LINGO2: variants seen among roughly 807,000 people sequenced by gnomAD.
The protein encoded by LINGO2 is leucine rich repeat and Ig domain containing 2.
In LINGO2, 14 loss-of-function variants were observed where a neutral mutation model predicts 30.6. That is an observed-to-expected ratio of 0.46 (90% CI 0.30 to 0.72). LINGO2 has a LOEUF of 0.72. Among genes scored for constraint, LINGO2 ranks in the 30% least tolerant of loss-of-function variants. The pLI is 0.07. For synonymous variants in LINGO2, 317 were observed against 288.5 expected, an observed-to-expected ratio of 1.10 and a Z score of -1.00; for missense variants, 729 against 751.7, an observed-to-expected ratio of 0.97 and a Z score of 0.35.
At chr9:28,748,254 T>C in the LINGO2 span, among the ~76,000 whole-genome samples, 1 of 152,052 alleles carries the variant, frequency 6.6e-6, no homozygotes, top group East Asian at 1.9e-4. Context: ...TGTATTCAAC[T>C]TTCCTTGAAG....
chr9:29,062,902 T>A, the LINGO2 span, among the ~76,000 whole-genome samples: 2 of 152,186 alleles, frequency 1.3e-5, no homozygotes, highest in South Asian at 4.1e-4. Flanking sequence ...TTTGTACCAT[T>A]GTTTCTTTAC....
intron 3 of LINGO2, among the ~76,000 whole-genome samples, chr9:28,301,484 G>C (rs1824141243): frequency 6.6e-6 from 1 of 152,042 alleles, no homozygotes. Context: ...GTGGGTTCTT[G>C]GGCAATGCCC....
chr9:28,790,210 C>A, the LINGO2 span, among the ~76,000 whole-genome samples: 1 of 151,846 alleles, frequency 6.6e-6, no homozygotes, highest in East Asian at 1.9e-4. Flanking sequence ...GTCTGTTAGT[C>A]ATTTAGTAGT....
chr9:28,513,825 T>G (rs990465967), intron 1 of LINGO2, among the ~76,000 whole-genome samples: 1 of 152,256 alleles, frequency 6.6e-6, no homozygotes, highest in African/African-American at 2.4e-5. Context: ...ACCGACTTCG[T>G]GAATGTATGT....
At chr9:28,511,804 A>G (rs1160886418) in intron 1 of LINGO2, among the ~76,000 whole-genome samples, 1 of 152,206 alleles carries the variant, frequency 6.6e-6, no homozygotes, top group Non-Finnish European at 1.5e-5. Flanking sequence ...TGCAAAGTGC[A>G]CAGCCAGATG....
chr9:28,085,380 T>C (rs1825879773), intron 4 of LINGO2, among the ~76,000 whole-genome samples: 1 of 152,174 alleles, frequency 6.6e-6, no homozygotes, highest in Non-Finnish European at 1.5e-5. Flanking sequence ...GGAGAAGATG[T>C]GGCTTTTACA....
the LINGO2 span, among the ~76,000 whole-genome samples, chr9:28,842,033 T>C: frequency 6.6e-6 from 1 of 151,828 alleles, no homozygotes; most frequent in African/African-American, 2.4e-5. Flanking sequence ...TCTAGGACAC[T>C]TCTTGTAGGC....
the LINGO2 span, among the ~76,000 whole-genome samples, chr9:29,176,308 T>A: frequency 6.6e-6 from 1 of 152,216 alleles, no homozygotes; most frequent in African/African-American, 2.4e-5. Flanking sequence ...ATCTTGGTGA[T>A]CTCAGAGACA....
the LINGO2 span, among the ~76,000 whole-genome samples, chr9:28,767,870 C>CATTTCTTA: frequency 5.4e-5 from 8 of 148,574 alleles, no homozygotes; most frequent in African/African-American, 2.0e-4. Context: ...CTTTTTCTTA[C>CATTTCTTA]ACATTTGTGT....
the LINGO2 span, among the ~76,000 whole-genome samples, chr9:28,871,386 CT>C: frequency 0.37 from 56,339 of 151,192 alleles, 12,428 homozygotes; most frequent in Middle Eastern, 0.51. Flanking sequence ...ATACCAACTT[CT>C]TTAAAATGTT....
chr9:28,681,723 C>T, the LINGO2 span, among the ~76,000 whole-genome samples: 1 of 152,070 alleles, frequency 6.6e-6, no homozygotes, highest in African/African-American at 2.4e-5. Context: ...TTTTCCCAAA[C>T]TGTGTTCCTT....
rs1048612756 is a variant in LINGO2, at chr9:28,057,566, CATATATATACACATATATGTATATACAT to C, written c.-86-45189_-86-45162del. Among the ~76,000 whole-genome samples, 3 of 21,888 alleles carry C rather than the reference CATATATATACACATATATGTATATACAT, an allele frequency of 1.4e-4. No individual in the cohort carries two copies. In the South Asian group the frequency reaches 3.1e-3, roughly 23 times the overall value. The allele number at this position is 21,888 out of a possible 152,430, so 14.4% of individuals were successfully genotyped here. A position where few individuals can be genotyped will look rare whatever the true frequency, so the allele number is the denominator to read the frequency against. ...ATATGTATATAAGTATATATATATA[CATATATATACACATATATGTATATACAT>C]ATATATACACATATATGTATATACA... On this transcript the variant is annotated intron_variant, in intron 4 of 5. Coordinates refer to ENST00000379992, the Ensembl canonical transcript of LINGO2.
chr9:28,431,029 T>TGAGA (rs57751993), intron 2 of LINGO2, among the ~76,000 whole-genome samples: 14,801 of 128,880 alleles, frequency 0.11, 1,236 homozygotes, highest in East Asian at 0.27. Context: ...GCATGAGTGA[T>TGAGA]GAGAGAGAGA....
At chr9:29,173,023 T>C in the LINGO2 span, among the ~76,000 whole-genome samples, 3 of 152,132 alleles carry the variant, frequency 2.0e-5, no homozygotes, top group East Asian at 1.9e-4. Flanking sequence ...CAAACCTGAA[T>C]TGAGAAAATC....
chr9:28,498,579 G>A (rs1819753997), intron 1 of LINGO2, among the ~76,000 whole-genome samples: 1 of 152,144 alleles, frequency 6.6e-6, no homozygotes, highest in South Asian at 2.1e-4. Flanking sequence ...GCTAGGAAAG[G>A]GAACTCCCAG....
chr9:28,111,917 T>A (rs974393823), intron 4 of LINGO2, among the ~76,000 whole-genome samples: 2 of 151,732 alleles, frequency 1.3e-5, no homozygotes, highest in Non-Finnish European at 2.9e-5. Flanking sequence ...ATTTATTTAT[T>A]TTTTATTATA....
chr9:29,160,997 G>A, the LINGO2 span, among the ~76,000 whole-genome samples: 498 of 152,308 alleles, frequency 3.3e-3, no homozygotes, highest in African/African-American at 0.011. Context: ...TCGGGCTGGC[G>A]CCCAAAGAAA....
intron 4 of LINGO2, among the ~76,000 whole-genome samples, chr9:28,057,439 A>G (rs1038866571): frequency 2.0e-5 from 3 of 151,820 alleles, no homozygotes; most frequent in Admixed American, 1.3e-4. Context: ...TCTATGAGAT[A>G]CAGTTTTCAA....
intron 3 of LINGO2, among the ~76,000 whole-genome samples, chr9:28,333,351 A>G (rs1246252608): frequency 6.6e-6 from 1 of 152,180 alleles, no homozygotes; most frequent in Admixed American, 6.5e-5. Context: ...TAGGTCAACT[A>G]GTAATTGTCT....
Sources: gnomAD v4.1 joint callset for allele counts (sites outside exome capture counted in the v4.1 genomes callset) on GRCh38, gnomAD v4.1.1 for gene constraint, MANE v1.5 for transcripts, NCBI Gene and HGNC (gene_info 2026-07-23, HGNC 2026-07-21) for gene names.